Variants in B3GAT2 observed in about 807,000 individuals in gnomAD.
B3GAT2 encodes the protein beta-1,3-glucuronyltransferase 2.
Under a neutral mutation model 27.8 loss-of-function variants are expected in B3GAT2, and 26 were observed. The observed-to-expected ratio is 0.93, with a 90% CI of 0.68 to 1.30. The LOEUF is 1.30. Ranked by LOEUF, B3GAT2 falls within the 50% of genes most tolerant of loss-of-function variation. The pLI, the probability that B3GAT2 is intolerant of heterozygous loss-of-function variation, is 0.00. For synonymous variants in B3GAT2, 218 were observed against 195.1 expected, an observed-to-expected ratio of 1.12 and a Z score of -0.98; for missense variants, 458 against 459.0, an observed-to-expected ratio of 1.00 and a Z score of 0.02.
rs543936346 is a variant in B3GAT2 at position 70,938,435 on chromosome 6, C to A, written c.591+17404G>T. 2.9e-4 allele frequency among the ~76,000 whole-genome samples: 44 copies of A among 152,056 alleles called. 2 individuals carry two copies. In the South Asian group the frequency reaches 8.7e-3, roughly 30 times the overall value. On this transcript the variant is annotated intron_variant, in intron 1 of 3. Coordinates refer to ENST00000230053, the MANE Select transcript of B3GAT2 (RefSeq NM_080742.3). ...GTTTATATGGAACCATAAAAGAGCCCACATCGTCAAGTCAATCCTAAGCCA... is the reference window on the plus strand; with the variant it reads ...GTTTATATGGAACCATAAAAGAGCCAACATCGTCAAGTCAATCCTAAGCCA...
intron 1 of B3GAT2, among the ~76,000 whole-genome samples, chr6:70,902,096 T>C (rs1772508837): frequency 6.6e-6 from 1 of 152,210 alleles, no homozygotes; most frequent in Admixed American, 6.5e-5. Context: ...TGAATTCTGG[T>C]ATGGACTGTC....
intron 1 of B3GAT2, among the ~76,000 whole-genome samples, chr6:70,951,769 T>TA (rs769110862): frequency 2.5e-4 from 38 of 152,304 alleles, no homozygotes; most frequent in Admixed American, 7.8e-4. Context: ...TACATTTCTA[T>TA]AAAATTCTCA....
At chr6:70,914,552 G>T (rs549297301) in intron 1 of B3GAT2, among the ~76,000 whole-genome samples, 1 of 151,792 alleles carries the variant, frequency 6.6e-6, no homozygotes, top group Non-Finnish European at 1.5e-5. Context: ...TTTTAACAAA[G>T]ACATTTATTT....
In B3GAT2 at chr6:70,859,286, C is replaced by A; in HGVS notation, c.*2377G>T. On this transcript the variant is annotated 3_prime_UTR_variant, in exon 4 of 4. Transcript: ENST00000230053. The stretch of plus-strand genomic sequence containing the variant: ...AGCACACCCAGCTCAGGTTAAGGTG[C>A]TAGATGAACCAGGAAGGAGTTAATA... 1 of 1,422,922 alleles carries A rather than the reference C, an allele frequency of 7.0e-7. No homozygotes were observed. The allele number at this position is 1,422,922 out of a possible 1,614,324, so 88.1% of individuals were successfully genotyped here. A position where few individuals can be genotyped will look rare whatever the true frequency, so the allele number is the denominator to read the frequency against.
At chr6:70,902,649 C>T (rs1160337120) in intron 1 of B3GAT2, among the ~76,000 whole-genome samples, 8 of 145,990 alleles carry the variant, frequency 5.5e-5, no homozygotes, top group South Asian at 2.2e-4. Context: ...CACACACACA[C>T]ACACACACAC....
chr6:70,946,916 G>A (rs1765494276), intron 1 of B3GAT2, among the ~76,000 whole-genome samples: 1 of 152,064 alleles, frequency 6.6e-6, no homozygotes, highest in African/African-American at 2.4e-5. Context: ...TAGAACTCAG[G>A]ATTAAGAAAC....
At chr6:70,873,181 C>T (rs562426507) in intron 2 of B3GAT2, among the ~76,000 whole-genome samples, 11 of 152,146 alleles carry the variant, frequency 7.2e-5, no homozygotes, top group East Asian at 3.9e-4. Context: ...TTACAGTTCC[C>T]GTCTAGCATC....
At chr6:70,916,307 C>T (rs150669570) in intron 1 of B3GAT2, among the ~76,000 whole-genome samples, 40 of 152,182 alleles carry the variant, frequency 2.6e-4, no homozygotes, top group South Asian at 1.9e-3. Context: ...GGAGCTGAGA[C>T]GATGAGGTTT....
chr6:70,892,205 A>G (rs1478635783), intron 2 of B3GAT2, among the ~76,000 whole-genome samples: 4 of 152,202 alleles, frequency 2.6e-5, no homozygotes, highest in African/African-American at 9.7e-5. Context: ...AAAAATCCAA[A>G]CATTGGTCTT....
intron 1 of B3GAT2, among the ~76,000 whole-genome samples, chr6:70,902,292 G>A (rs1203085552): frequency 6.6e-6 from 1 of 151,940 alleles, no homozygotes; most frequent in Non-Finnish European, 1.5e-5. Context: ...GAAAAGGACA[G>A]TCTCTTCAGC....
rs759772512 is a variant in B3GAT2, at chr6:70,859,965, ATTT to A, written c.*1695_*1697del. The A allele has an allele frequency of 7.9e-6, 3 of 380,352 alleles. No individual in the cohort carries two copies. The South Asian group carries it at 1.9e-4, about 24-fold the overall frequency. 23.6% of individuals were successfully genotyped at this position (380,352 alleles called of 1,614,324 possible). A position where few individuals can be genotyped will look rare whatever the true frequency, so the allele number is the denominator to read the frequency against. ...ATTAAAATCCCAAGATTGCTTTGGT[ATTT>A]TTTTTTAAGTAAGTTGTGGTTAATC... is the stretch of plus-strand genomic sequence containing the variant. On this transcript the variant is annotated 3_prime_UTR_variant, in exon 4 of 4. Coordinates refer to ENST00000230053, the MANE Select transcript of B3GAT2 (RefSeq NM_080742.3).
At chr6:70,894,063 A>G (rs1034488721) in intron 2 of B3GAT2, 65 bp downstream of exon 2, 2 of 1,417,684 alleles carry the variant, frequency 1.4e-6, no homozygotes, top group Non-Finnish European at 9.3e-7. Flanking sequence ...CATCTAGTGC[A>G]TCGTTATAAA....
At chr6:70,912,784 G>A (rs1374516380) in intron 1 of B3GAT2, among the ~76,000 whole-genome samples, 2 of 152,114 alleles carry the variant, frequency 1.3e-5, no homozygotes, top group South Asian at 2.1e-4. Flanking sequence ...GAATTTGGTT[G>A]TGGATCCATC....
rs1771487779 is a variant in B3GAT2 at position 70,857,639 on chromosome 6, A to G, written c.*4024T>C. 4 of 420,172 alleles carry G rather than the reference A, an allele frequency of 9.5e-6. No individual in the cohort carries two copies. In the Admixed American group the frequency reaches 1.2e-4, roughly 12 times the overall value. The allele number at this position is 420,172 out of a possible 1,614,324, so 26.0% of individuals were successfully genotyped here. A position where few individuals can be genotyped will look rare whatever the true frequency, so the allele number is the denominator to read the frequency against. On this transcript the variant is annotated 3_prime_UTR_variant, in exon 4 of 4. Transcript: ENST00000230053. ...ATAAAACAGTGTATGATGTCATGCT[A>G]CATAGTTTGGTCTTCACAGTGGAAG...
chr6:70,920,524 G>A (rs1367115545), intron 1 of B3GAT2, among the ~76,000 whole-genome samples: 1 of 152,182 alleles, frequency 6.6e-6, no homozygotes, highest in Non-Finnish European at 1.5e-5. Flanking sequence ...GGGAGCTGTA[G>A]ACCAGAACTG....
At chr6:70,934,070 C>G (rs1049634698) in intron 1 of B3GAT2, among the ~76,000 whole-genome samples, 2 of 152,178 alleles carry the variant, frequency 1.3e-5, no homozygotes, top group African/African-American at 2.4e-5. Context: ...ATGAAAAAAG[C>G]ACTAGTCAGT....
intron 2 of B3GAT2, among the ~76,000 whole-genome samples, chr6:70,884,095 C>CAAAAAAAAAAA (rs70990339): frequency 9.9e-6 from 1 of 100,690 alleles, no homozygotes. Context: ...CCTCAAGACT[C>CAAAAAAAAAAA]AAAAAAAAAA....
intron 2 of B3GAT2, among the ~76,000 whole-genome samples, chr6:70,890,434 G>C (rs1438308602): frequency 1.3e-5 from 2 of 152,226 alleles, no homozygotes; most frequent in African/African-American, 4.8e-5. Context: ...AAAAGGCACA[G>C]AAGACCTGTA....
intron 1 of B3GAT2, among the ~76,000 whole-genome samples, chr6:70,931,865 G>T (rs1773068471): frequency 1.3e-5 from 2 of 152,082 alleles, no homozygotes; most frequent in Non-Finnish European, 2.9e-5. Context: ...ATCCTCATTT[G>T]CAAATCACAT....
Sources: gnomAD v4.1 joint callset for allele counts (sites outside exome capture counted in the v4.1 genomes callset) on GRCh38, gnomAD v4.1.1 for gene constraint, MANE v1.5 for transcripts, NCBI Gene and HGNC (gene_info 2026-07-23, HGNC 2026-07-21) for gene names.